CSMD3: variants seen among roughly 807,000 people sequenced by gnomAD.
CSMD3 encodes CUB and sushi domain-containing protein 3.
A neutral mutation model predicts 435.2 loss-of-function variants in CSMD3; 177 were observed. The observed-to-expected ratio is 0.41, with a 90% CI of 0.36 to 0.46. CSMD3 has a LOEUF of 0.46. Among genes scored for constraint, CSMD3 ranks in the 20% least tolerant of loss-of-function variants. The pLI is 0.34. For synonymous variants in CSMD3, 1,656 were observed against 1,520.5 expected (o/e 1.09, Z -2.07); for missense variants, 4,265 against 4,504.6 (o/e 0.95, Z 1.52).
chr8:112,384,513 A>C (rs934793638), intron 36 of CSMD3, among the ~76,000 whole-genome samples: 1 of 152,198 alleles, frequency 6.6e-6, no homozygotes, highest in Non-Finnish European at 1.5e-5. Flanking sequence ...TTCTTTATTA[A>C]ATTTTTTGTG....
chr8:112,349,165 A>G (rs1476308301), intron 40 of CSMD3, among the ~76,000 whole-genome samples: 1 of 152,132 alleles, frequency 6.6e-6, no homozygotes, highest in Non-Finnish European at 1.5e-5. Context: ...GAAAAAATAA[A>G]TATGTAATTT....
At chr8:113,314,009 T>C (rs1369581369) in intron 2 of CSMD3, 1 of 152,170 alleles carries the variant, frequency 6.6e-6, no homozygotes, top group Non-Finnish European at 1.5e-5. Flanking sequence ...AATTTTTACA[T>C]CTGTTTAATC....
chr8:113,017,825 C>T (rs1398587932), intron 6 of CSMD3, among the ~76,000 whole-genome samples: 2 of 151,840 alleles, frequency 1.3e-5, no homozygotes, highest in African/African-American at 4.8e-5. Flanking sequence ...GTTTAAGATT[C>T]AAGTTACCAT....
chr8:113,077,344 C>CAA, intron 5 of CSMD3, among the ~76,000 whole-genome samples: 1 of 143,290 alleles, frequency 7.0e-6, no homozygotes, highest in African/African-American at 2.6e-5. Flanking sequence ...TTACTAAAAG[C>CAA]AAAAAAAAAA....
chr8:112,462,082 C>G (rs373116264), intron 32 of CSMD3, among the ~76,000 whole-genome samples: 2 of 152,180 alleles, frequency 1.3e-5, no homozygotes, highest in African/African-American at 2.4e-5. Flanking sequence ...TAGAGGCAAA[C>G]GACTGCAATC....
At chr8:112,695,334 T>C (rs1158598588) in intron 13 of CSMD3, among the ~76,000 whole-genome samples, 1 of 152,212 alleles carries the variant, frequency 6.6e-6, no homozygotes, top group Admixed American at 6.5e-5. Flanking sequence ...ACTTTAACTT[T>C]TATTATACTG....
intron 27 of CSMD3, among the ~76,000 whole-genome samples, chr8:112,535,419 C>T (rs1825974614): frequency 6.6e-6 from 1 of 151,420 alleles, no homozygotes; most frequent in African/African-American, 2.4e-5. Context: ...CTCCCATTCA[C>T]AATTGCTTCA....
intron 11 of CSMD3, among the ~76,000 whole-genome samples, chr8:112,833,333 T>G (rs1365114430): frequency 6.6e-6 from 1 of 151,936 alleles, no homozygotes; most frequent in South Asian, 2.1e-4. Flanking sequence ...ATTTTAATAA[T>G]TTTTTTAGTA....
At chr8:112,528,293 A>T (rs914190274) in intron 27 of CSMD3, among the ~76,000 whole-genome samples, 1 of 152,164 alleles carries the variant, frequency 6.6e-6, no homozygotes, top group African/African-American at 2.4e-5. Flanking sequence ...TAGGCAATTT[A>T]TTCATTAAAA....
chr8:113,092,938 T>C (rs2090051638), intron 5 of CSMD3, among the ~76,000 whole-genome samples: 1 of 152,084 alleles, frequency 6.6e-6, no homozygotes, highest in South Asian at 2.1e-4. Flanking sequence ...TTAAACCTAA[T>C]CCAAACTAAT....
intron 9 of CSMD3, among the ~76,000 whole-genome samples, chr8:112,928,039 C>T (rs184188302): frequency 2.0e-5 from 3 of 152,160 alleles, no homozygotes; most frequent in Admixed American, 2.0e-4. Flanking sequence ...CTGTCTTTGC[C>T]CCTCCAATAC....
chr8:112,468,419 TTTATG>T (rs1818189914), intron 32 of CSMD3, among the ~76,000 whole-genome samples: 1 of 152,040 alleles, frequency 6.6e-6, no homozygotes, highest in Admixed American at 6.6e-5. Flanking sequence ...ATCCTATATA[TTTATG>T]TTTCTTCTCA....
intron 27 of CSMD3, among the ~76,000 whole-genome samples, chr8:112,535,662 A>G (rs533095839): frequency 6.6e-6 from 1 of 152,194 alleles, no homozygotes; most frequent in South Asian, 2.1e-4. Flanking sequence ...ACAGAATTGG[A>G]AAAAACTACT....
At position 113,418,321 on chromosome 8, in the gene CSMD3, T is replaced by C. The variant is rs530448602; in HGVS notation, c.178+18356A>G. The stretch of plus-strand genomic sequence containing the variant: ...TAGTATTTTTGCAAGATGAATATTC[T>C]GCACATATCTTTTAAACTAGGAACA... On this transcript the variant is annotated intron_variant, in intron 1 of 70. Coordinates refer to ENST00000297405, the MANE Select transcript of CSMD3 (RefSeq NM_198123.2). 3.9e-5 allele frequency among the ~76,000 whole-genome samples: 6 copies of C among 152,278 alleles called. No homozygotes were observed. In the East Asian group the frequency reaches 9.7e-4, roughly 24 times the overall value.
chr8:112,462,216 T>A (rs1321543492), intron 32 of CSMD3, among the ~76,000 whole-genome samples: 2 of 152,250 alleles, frequency 1.3e-5, no homozygotes, highest in Non-Finnish European at 2.9e-5. Context: ...GTCAAAATAA[T>A]CTTCGGCAGC....
In CSMD3 at chr8:112,975,787, T is replaced by C. The variant is rs201268785; in HGVS notation, c.1342+50A>G. 2.2e-4 allele frequency: 355 copies of C among 1,611,008 alleles called. 2 individuals carry two copies. The East Asian group carries it at 4.8e-3, about 22-fold the overall frequency. ...TCTCTAATTAGAATCATTACCAAAA[T>C]ATAGCTTTGGCTGTAACTAAATGGG... is the stretch of plus-strand genomic sequence containing the variant. On this transcript the variant is annotated intron_variant, in intron 7 of 70. Transcript: ENST00000297405.
intron 32 of CSMD3, among the ~76,000 whole-genome samples, chr8:112,452,680 T>C (rs896612389): frequency 6.6e-6 from 1 of 152,218 alleles, no homozygotes; most frequent in African/African-American, 2.4e-5. Context: ...CACATAGCAA[T>C]GGATTATTTG....
At chr8:112,293,016 T>TG (rs1366770630) in intron 54 of CSMD3, among the ~76,000 whole-genome samples, 1 of 152,054 alleles carries the variant, frequency 6.6e-6, no homozygotes, top group African/African-American at 2.4e-5. Flanking sequence ...TCTACTTTAT[T>TG]GGGGAGGCAA....
chr8:112,875,900 C>A (rs1289383304), intron 10 of CSMD3, among the ~76,000 whole-genome samples: 1 of 152,060 alleles, frequency 6.6e-6, no homozygotes, highest in African/African-American at 2.4e-5. Context: ...TATTGCCCAC[C>A]TTCTGAAGCC....
Sources: allele counts gnomAD v4.1 joint callset (sites outside exome capture counted in the v4.1 genomes callset), GRCh38; gene constraint gnomAD v4.1.1; transcripts MANE v1.5; gene names NCBI Gene and HGNC (gene_info 2026-07-23, HGNC 2026-07-21).